The following FYB2 variants were observed in gnomAD, a reference collection of about 807,000 sequenced individuals.
FYB2 encodes FYN-binding protein 2.
A neutral mutation model predicts 94.1 loss-of-function variants in FYB2; 103 were observed. That is an observed-to-expected ratio of 1.09 (90% confidence interval 0.93 to 1.29). FYB2 has a LOEUF of 1.29. FYB2 is among the 50% of genes most tolerant of loss of function. FYB2 has a pLI of 0.00. For missense variants in FYB2, 896 were observed against 841.5 expected, an observed-to-expected ratio of 1.06 and a Z score of -0.80; for synonymous variants, 293 against 287.9, an observed-to-expected ratio of 1.02 and a Z score of -0.18.
intron 13 of FYB2, among the ~76,000 whole-genome samples, chr1:56,739,193 G>A (rs1435101276): frequency 6.6e-6 from 1 of 152,078 alleles, no homozygotes; most frequent in Non-Finnish European, 1.5e-5. Flanking sequence ...CCAATGAATA[G>A]TTTTGAGAGA....
intron 1 of FYB2, among the ~76,000 whole-genome samples, chr1:56,810,893 G>C (rs1029568589): frequency 2.0e-5 from 3 of 152,044 alleles, no homozygotes; most frequent in African/African-American, 7.2e-5. Flanking sequence ...CCCTTTCCAC[G>C]ATCCTTCACA....
chr1:56,787,149 T>G (rs1166249755), intron 4 of FYB2, 26 bp downstream of exon 4: 13 of 1,613,466 alleles, frequency 8.1e-6, no homozygotes, highest in African/African-American at 2.7e-5. Flanking sequence ...GCTACGTTCC[T>G]ACACAACTAA....
intron 17 of FYB2, among the ~76,000 whole-genome samples, chr1:56,721,951 G>A (rs545810514): frequency 6.6e-6 from 1 of 152,068 alleles, no homozygotes; most frequent in African/African-American, 2.4e-5. Context: ...TATGATTTGA[G>A]CTGGACAAAA....
chr1:56,766,256 C>G (rs1645620383), intron 5 of FYB2, among the ~76,000 whole-genome samples: 1 of 152,106 alleles, frequency 6.6e-6, no homozygotes, highest in Non-Finnish European at 1.5e-5. Context: ...AAGCCCTGCT[C>G]TAAAGAAGGG....
rs1449445952 is a variant in FYB2 at position 56,723,701 on chromosome 1, T to C, written c.1881-20A>G. 1 of 1,416,606 alleles carries C rather than the reference T, an allele frequency of 7.1e-7. No homozygotes were observed. Among genetic ancestry groups the C allele is most frequent in the Non-Finnish European group, 9.9e-7 (1 of 1,011,216 alleles). The allele number at this position is 1,416,606 out of a possible 1,614,324, so 87.8% of individuals were successfully genotyped here. A position where few individuals can be genotyped will look rare whatever the true frequency, so the allele number is the denominator to read the frequency against. ...GAGAAACTAGCAAGAAATGTGCAGG[T>C]AGGGTAAAACGTACTATAATAAAAC... On this transcript the variant is annotated intron_variant, in intron 16 of 19. Transcript: ENST00000343433.
Position 56,738,695 on chromosome 1 carries a change from C to G in FYB2, c.1704-42G>C. The G allele has an allele frequency of 2.5e-6, 4 of 1,594,388 alleles. No homozygotes were observed. In the South Asian group the frequency reaches 4.5e-5, roughly 18 times the overall value. The stretch of plus-strand genomic sequence containing the variant: ...GACACAAAAGAGTTAAGGAAAAAAA[C>G]CATGTTTGGAAAGATGAGCTGACAG... On this transcript the variant is annotated intron_variant, in intron 13 of 19. Coordinates refer to ENST00000343433, the MANE Select transcript of FYB2 (RefSeq NM_001004303.5).
chr1:56,726,464 T>C, intron 16 of FYB2, 33 bp downstream of exon 16: 1 of 1,578,994 alleles, frequency 6.3e-7, no homozygotes, highest in Non-Finnish European at 8.6e-7. Context: ...TTGCAGCAGA[T>C]AAGCTATAAT....
chr1:56,758,104 A>T (rs1645402324), intron 6 of FYB2, among the ~76,000 whole-genome samples: 1 of 152,004 alleles, frequency 6.6e-6, no homozygotes, highest in South Asian at 2.1e-4. Flanking sequence ...TATAGAGGAC[A>T]CATCTAAGTC....
upstream of FYB2, among the ~76,000 whole-genome samples, chr1:56,823,509 C>T (rs1212401640): frequency 6.6e-6 from 1 of 152,120 alleles, no homozygotes; most frequent in Non-Finnish European, 1.5e-5. Flanking sequence ...GTCTTGCTTC[C>T]ATTTTACCAG....
At chr1:56,719,934 A>G (rs959235336) in intron 19 of FYB2, 88 bp downstream of exon 19, 15 of 1,327,974 alleles carry the variant, frequency 1.1e-5, no homozygotes, top group Non-Finnish European at 1.3e-5. Context: ...CCTGAATTTC[A>G]ATAAATTCAG....
intron 4 of FYB2, among the ~76,000 whole-genome samples, chr1:56,771,756 A>G (rs1260493160): frequency 6.6e-6 from 1 of 152,128 alleles, no homozygotes; most frequent in Admixed American, 6.6e-5. Flanking sequence ...AGGTCTTAGC[A>G]TTTGGTAGTC....
chr1:56,770,469 A>G (rs1332298758), intron 4 of FYB2, among the ~76,000 whole-genome samples: 1 of 152,214 alleles, frequency 6.6e-6, no homozygotes, highest in Non-Finnish European at 1.5e-5. Flanking sequence ...TGATCAAAGA[A>G]TAAGAGAAAA....
chr1:56,752,735 C>G (rs995333677), intron 8 of FYB2, among the ~76,000 whole-genome samples: 1 of 152,092 alleles, frequency 6.6e-6, no homozygotes, highest in African/African-American at 2.4e-5. Flanking sequence ...AACCCAAACT[C>G]ACTCCATAAA....
At position 56,818,023 on chromosome 1, in the gene FYB2, T is replaced by A. The variant is rs74073593; in HGVS notation, c.9+1259A>T. ...TAGACCACACTGTATTGTCATCAGA[T>A]AAACTGAAATAATGGATGCCAGTGC... On this transcript the variant is annotated intron_variant, in intron 1 of 19. Transcript: ENST00000343433. 4.2e-3 allele frequency among the ~76,000 whole-genome samples: 634 copies of A among 152,294 alleles called. 2 individuals carry two copies. The highest frequency in any genetic ancestry group is 0.015 in the African/African-American group (609 of 41,564).
intron 5 of FYB2, among the ~76,000 whole-genome samples, chr1:56,766,888 T>C (rs1389231929): frequency 6.6e-6 from 1 of 152,224 alleles, no homozygotes; most frequent in Non-Finnish European, 1.5e-5. Context: ...TTTTTAGCCC[T>C]GCTTTCAGGG....
chr1:56,743,156 GA>G (rs1424414156), intron 11 of FYB2, among the ~76,000 whole-genome samples: 1 of 151,870 alleles, frequency 6.6e-6, no homozygotes, highest in African/African-American at 2.4e-5. Flanking sequence ...TAAACTTCCT[GA>G]AGGTACTTCT....
At chr1:56,822,473 AGTT>A (rs368583281), upstream of FYB2, among the ~76,000 whole-genome samples, 22 of 152,356 alleles carry the variant, frequency 1.4e-4, no homozygotes, top group East Asian at 4.2e-3. Flanking sequence ...AGATATTTCT[AGTT>A]GTTCAAGCCC....
chr1:56,821,098 A>G (rs998874623), upstream of FYB2, among the ~76,000 whole-genome samples: 1 of 152,170 alleles, frequency 6.6e-6, no homozygotes, highest in African/African-American at 2.4e-5. Context: ...TCATGCTCCT[A>G]TGTGTATAAG....
chr1:56,799,948 AAGG>A (rs1646482700), intron 1 of FYB2, among the ~76,000 whole-genome samples: 1 of 152,242 alleles, frequency 6.6e-6, no homozygotes, highest in African/African-American at 2.4e-5. Flanking sequence ...TAAGTTCCAA[AAGG>A]AGAAGATACT....
Sources: gnomAD v4.1 joint callset for allele counts (sites outside exome capture counted in the v4.1 genomes callset) on GRCh38, gnomAD v4.1.1 for gene constraint, MANE v1.5 for transcripts, NCBI Gene and HGNC (gene_info 2026-07-23, HGNC 2026-07-21) for gene names.